Variants in FNDC1 observed in about 807,000 individuals in gnomAD.
FNDC1 encodes fibronectin type III domain containing 1, also known as fibronectin type III domain-containing protein 1.
FNDC1 carries 96 observed loss-of-function variants against 168.0 expected under a neutral mutation model. The ratio of observed to expected loss-of-function variants is 0.57; its 90% CI spans 0.48 to 0.68. The LOEUF (loss-of-function observed/expected upper bound fraction) is 0.68. Among genes scored for constraint, FNDC1 ranks in the 30% least tolerant of loss-of-function variants. FNDC1 has a pLI of 0.00. For missense variants in FNDC1, 2,587 were observed against 2,482.1 expected, an observed-to-expected ratio of 1.04 and a Z score of -0.90; for synonymous variants, 1,099 against 1,025.9, an observed-to-expected ratio of 1.07 and a Z score of -1.36.
chr6:159,245,034 AAGAG>A (rs1424385391), intron 14 of FNDC1, among the ~76,000 whole-genome samples: 2 of 152,116 alleles, frequency 1.3e-5, no homozygotes, highest in South Asian at 2.1e-4. Flanking sequence ...GGTGGCAGGC[AAGAG>A]AGAGAGAGTG....
rs1470012952 is a variant in FNDC1 at position 159,236,259 on chromosome 6, A to G, written c.4012A>G (p.Ser1338Gly). 2 of 1,613,872 alleles carry G rather than the reference A, an allele frequency of 1.2e-6. No homozygotes were observed. The highest frequency in any genetic ancestry group is 4.5e-5 in the East Asian group (2 of 44,866). Reference protein sequence around the residue: ...PNVEGKVLPGSNGKPNGQRII... With the variant: ...PNVEGKVLPGGNGKPNGQRII... ...TGTAGAAGGGAAAGTCCTTCCTGGT[A>G]GTAATGGAAAACCGAATGGACAGAG... The change falls in exon 12 of 23, where the codon AGT becomes GGT. Residue 1338 changes from serine to glycine, a missense_variant. Physicochemically the swap from Ser to Gly is moderately conservative, Grantham distance 56 (BLOSUM62 0). Transcript: ENST00000297267.
At chr6:159,218,934 C>G (rs1038135706) in intron 5 of FNDC1, among the ~76,000 whole-genome samples, 1 of 152,084 alleles carries the variant, frequency 6.6e-6, no homozygotes, top group Non-Finnish European at 1.5e-5. Flanking sequence ...TGTGCCACGT[C>G]CATTACACAC....
intron 18 of FNDC1, among the ~76,000 whole-genome samples, chr6:159,260,324 A>C (rs540638339): frequency 6.6e-6 from 1 of 152,344 alleles, no homozygotes; most frequent in Non-Finnish European, 1.5e-5. Context: ...TCTAACCACC[A>C]TTCTTTTTCT....
chr6:159,189,496 C>T (rs1782083022), intron 1 of FNDC1, among the ~76,000 whole-genome samples: 1 of 152,140 alleles, frequency 6.6e-6, no homozygotes, highest in Admixed American at 6.5e-5. Context: ...TGTGGATTGG[C>T]TTCCTTATAG....
At chr6:159,194,728 G>T (rs927073563) in intron 1 of FNDC1, among the ~76,000 whole-genome samples, 2 of 152,120 alleles carry the variant, frequency 1.3e-5, no homozygotes, top group Non-Finnish European at 2.9e-5. Context: ...AGTAATGTAA[G>T]CTCATGCACA....
At chr6:159,198,262 G>A (rs1432947523) in intron 2 of FNDC1, among the ~76,000 whole-genome samples, 2 of 152,104 alleles carry the variant, frequency 1.3e-5, no homozygotes, top group African/African-American at 2.4e-5. Flanking sequence ...ATTGATTCTT[G>A]AACCATGTCA....
intron 4 of FNDC1, among the ~76,000 whole-genome samples, chr6:159,204,475 C>T (rs1782447725): frequency 1.3e-5 from 2 of 152,176 alleles, no homozygotes; most frequent in African/African-American, 4.8e-5. Flanking sequence ...TAATTTCAGA[C>T]CATAGTAGAC....
In FNDC1 at chr6:159,197,511, G is replaced by C. The variant is rs765834464; in HGVS notation, c.190G>C (p.Asp64His). 1 of 1,614,004 alleles carries C rather than the reference G, an allele frequency of 6.2e-7. No homozygotes were observed. Among genetic ancestry groups the C allele is most frequent in the Non-Finnish European group, 8.5e-7 (1 of 1,179,882 alleles). ...GLKVTWDPPK[D>H]ATSRPVEHYN... The stretch of plus-strand genomic sequence containing the variant: ...GAAAGTCACGTGGGACCCACCCAAA[G>C]ATGCTACCAGTAGACCTGTGGAGCA... The change falls in exon 2 of 23, where the codon GAT becomes CAT. Residue 64 changes from aspartate to histidine, a missense_variant. By Grantham distance (81) the Asp-to-His change is moderately conservative. Coordinates refer to ENST00000297267, the MANE Select transcript of FNDC1 (RefSeq NM_032532.3).
chr6:159,250,227 A>C (rs1329265770), intron 16 of FNDC1, among the ~76,000 whole-genome samples: 2 of 152,230 alleles, frequency 1.3e-5, no homozygotes, highest in Non-Finnish European at 2.9e-5. Context: ...ACCCATGGAC[A>C]AGTTCTAAAG....
In FNDC1 at chr6:159,226,434, A is replaced by G. The variant is rs769633664; in HGVS notation, c.1073-39A>G. 21 of 1,495,484 alleles carry G rather than the reference A, an allele frequency of 1.4e-5. No individual in the cohort carries two copies. In the African/African-American group the frequency reaches 2.8e-4, roughly 20 times the overall value. 92.6% of individuals were successfully genotyped at this position (1,495,484 alleles called of 1,614,324 possible). ...GCTATTTACATCTAGAATGTCCGGT[A>G]AGGCATTTAAAAATGTTTCTTTCCT... On this transcript the variant is annotated intron_variant, in intron 8 of 22. Transcript: ENST00000297267.
chr6:159,224,896 G>T (rs551372960), intron 7 of FNDC1, among the ~76,000 whole-genome samples: 1 of 152,254 alleles, frequency 6.6e-6, no homozygotes, highest in East Asian at 1.9e-4. Context: ...CACTGTCAGG[G>T]GTTGCTGAAC....
At chr6:159,217,565 A>T (rs1782734183) in intron 5 of FNDC1, among the ~76,000 whole-genome samples, 1 of 152,092 alleles carries the variant, frequency 6.6e-6, no homozygotes, top group African/African-American at 2.4e-5. Flanking sequence ...ACAGCCTAGG[A>T]CGTCCCTTTT....
chr6:159,183,552 G>A (rs1781926786), intron 1 of FNDC1, among the ~76,000 whole-genome samples: 1 of 152,252 alleles, frequency 6.6e-6, no homozygotes, highest in Non-Finnish European at 1.5e-5. Flanking sequence ...CATAGCACCA[G>A]GTGTGCTACA....
Position 159,221,681 on chromosome 6 carries a change from A to C in FNDC1, c.751A>C (p.Lys251Gln). ...ACCAGTCTACAGGGCTGCCCTAACA[A>C]AGCGAAAGATTTCAGGTATGTTTCT... ...SQPVYRAALT[K>Q]RKISEEDELD... The change falls in exon 6 of 23, where the codon AAG becomes CAG. Residue 251 changes from lysine (K) to glutamine (Q), a missense_variant. Transcript: ENST00000297267. 6.2e-7 allele frequency: 1 copy of C among 1,613,792 alleles called. No homozygotes were observed. The highest frequency in any genetic ancestry group is 8.5e-7 in the Non-Finnish European group (1 of 1,179,674).
chr6:159,232,068 C>G lies in FNDC1; in HGVS notation c.1556C>G (p.Ala519Gly). Residue 519 changes from alanine to glycine, a missense_variant, in exon 11 of 23, where the codon GCG becomes GGG. Physicochemically the swap from Ala to Gly is moderately conservative, Grantham distance 60 (BLOSUM62 0). Coordinates refer to ENST00000297267, the MANE Select transcript of FNDC1 (RefSeq NM_032532.3). The surrounding 1 kb of genome is among the most constrained non-coding windows in gnomAD (Gnocchi z 4.9). ...AACAAAATATTGGCTAATGGTGGGG[C>G]GCCCCGAAAACCCCAGCTTCGCGCC... ...LKNKILANGG[A>G]PRKPQLRAKK... is the part of the protein sequence containing the mutation. 2 of 1,613,758 alleles carry G rather than the reference C, an allele frequency of 1.2e-6. No homozygotes were observed. Among genetic ancestry groups the G allele is most frequent in the Non-Finnish European group, 1.7e-6 (2 of 1,179,798 alleles).
At chr6:159,181,570 T>C (rs372788238) in intron 1 of FNDC1, among the ~76,000 whole-genome samples, 28 of 152,224 alleles carry the variant, frequency 1.8e-4, no homozygotes, top group Middle Eastern at 3.2e-3. Flanking sequence ...TAGGATCATC[T>C]TGGACTTTCT....
chr6:159,261,221 C>T lies in FNDC1; in HGVS notation c.5206C>T (p.His1736Tyr). Residue 1736 changes from histidine to tyrosine, a missense_variant, in exon 19 of 23, where the codon CAT (histidine) becomes TAT (tyrosine). By Grantham distance (83) the His-to-Tyr change is moderately conservative. Coordinates refer to ENST00000297267, the MANE Select transcript of FNDC1 (RefSeq NM_032532.3). ...YYFKVQAQNP[H>Y]GYGPISPSVS... Reference sequence around the variant, plus strand: ...TTTTAAAGTGCAAGCACAAAATCCTCATGGCTACGGACCTATCAGCCCTTC... The same window carrying T: ...TTTTAAAGTGCAAGCACAAAATCCTTATGGCTACGGACCTATCAGCCCTTC... The T allele has an allele frequency of 6.2e-7, 1 of 1,613,256 alleles. No individual in the cohort carries two copies. Among genetic ancestry groups the T allele is most frequent in the Non-Finnish European group, 8.5e-7 (1 of 1,179,542 alleles).
intron 14 of FNDC1, among the ~76,000 whole-genome samples, chr6:159,241,656 AG>A (rs1362532815): frequency 1.3e-5 from 2 of 152,252 alleles, no homozygotes; most frequent in Non-Finnish European, 2.9e-5. Flanking sequence ...TAGTTTAAAA[AG>A]ACTTCCATAT....
chr6:159,234,408 G>T lies in FNDC1; in HGVS notation c.3896G>T (p.Arg1299Leu). ...TCCACCACCCCGATGCTGTCCTTGC[G>T]CCAGAGGATGATGCATGCCAGATTC... The part of the protein sequence containing the change: ...HFSTTPMLSL[R>L]QRMMHARFRN... The change falls in exon 11 of 23, where the codon CGC (arginine) becomes CTC (leucine). Residue 1299 changes from arginine (R) to leucine (L), a missense_variant. Coordinates refer to ENST00000297267, the MANE Select transcript of FNDC1 (RefSeq NM_032532.3). 6.2e-7 allele frequency: 1 copy of T among 1,613,628 alleles called. No homozygotes were observed. The highest frequency in any genetic ancestry group is 8.5e-7 in the Non-Finnish European group (1 of 1,179,864).
Sources: gnomAD v4.1 joint callset for allele counts (sites outside exome capture counted in the v4.1 genomes callset) on GRCh38, gnomAD v4.1.1 for gene constraint, Gnocchi (gnomAD v3.1) non-coding constraint, MANE v1.5 for transcripts, NCBI Gene and HGNC (gene_info 2026-07-23, HGNC 2026-07-21) for gene names.